Variants in HEMK2 observed in about 807,000 individuals in gnomAD.
HEMK2 encodes methyltransferase HEMK2.
chr21:28,770,568 G>A, the HEMK2 span, among the ~76,000 whole-genome samples: 2 of 152,112 alleles, frequency 1.3e-5, no homozygotes, highest in African/African-American at 4.8e-5. Flanking sequence ...CTAATGAGAG[G>A]TGATTAAGTC....
At chr21:28,703,323 A>T in the HEMK2 span, among the ~76,000 whole-genome samples, 1 of 150,754 alleles carries the variant, frequency 6.6e-6, no homozygotes, top group Non-Finnish European at 1.5e-5. Flanking sequence ...ATAAAAGTTA[A>T]AAAAAAAAGG....
At chr21:28,750,996 C>T in the HEMK2 span, among the ~76,000 whole-genome samples, 3 of 151,940 alleles carry the variant, frequency 2.0e-5, no homozygotes, top group Non-Finnish European at 4.4e-5. Flanking sequence ...TTTGGGAGGC[C>T]GAGGCGGGCG....
chr21:28,607,284 A>C, the HEMK2 span, among the ~76,000 whole-genome samples: 1 of 152,000 alleles, frequency 6.6e-6, no homozygotes, highest in Non-Finnish European at 1.5e-5. Flanking sequence ...GGTGGCATGC[A>C]CCTGTAGTCC....
At chr21:28,837,100 G>T in the HEMK2 span, among the ~76,000 whole-genome samples, 2 of 152,114 alleles carry the variant, frequency 1.3e-5, no homozygotes, top group East Asian at 3.8e-4. Flanking sequence ...AATAGTGGGG[G>T]ACGTCAGCAT....
chr21:28,866,175 A>AAAAAAAAAAAAAAAC, the HEMK2 span, among the ~76,000 whole-genome samples: 41 of 76,212 alleles, frequency 5.4e-4, 11 homozygotes, highest in Non-Finnish European at 6.5e-4. Context: ...CAAAAAAAAA[A>AAAAAAAAAAAAAAAC]ACACACACAC....
At chr21:28,868,400 G>C in the HEMK2 span, among the ~76,000 whole-genome samples, 1 of 152,122 alleles carries the variant, frequency 6.6e-6, no homozygotes, top group African/African-American at 2.4e-5. Context: ...ATATCTTTTA[G>C]GCTGTGCATG....
chr21:28,841,316 ATAT>A, the HEMK2 span, among the ~76,000 whole-genome samples: 11 of 9,824 alleles, frequency 1.1e-3, 4 homozygotes, highest in African/African-American at 0.012. Flanking sequence ...ATAATATATA[ATAT>A]ATATTATATA....
At chr21:28,704,557 CAAA>C in the HEMK2 span, among the ~76,000 whole-genome samples, 13 of 129,752 alleles carry the variant, frequency 1.0e-4, no homozygotes, top group South Asian at 1.3e-3. Context: ...AAGGTTTTGG[CAAA>C]AAAAAAAAAA....
At chr21:28,603,317 T>G in the HEMK2 span, among the ~76,000 whole-genome samples, 1 of 152,342 alleles carries the variant, frequency 6.6e-6, no homozygotes, top group South Asian at 2.1e-4. Context: ...AGTCTCATTT[T>G]CAGGCATTGC....
At chr21:28,831,510 A>AGAAAGAAG in the HEMK2 span, among the ~76,000 whole-genome samples, 2 of 87,956 alleles carry the variant, frequency 2.3e-5, no homozygotes, top group Non-Finnish European at 4.2e-5. Context: ...AAAGAAAGAA[A>AGAAAGAAG]GAAAGAAAGA....
the HEMK2 span, among the ~76,000 whole-genome samples, chr21:28,731,732 T>C: frequency 6.7e-6 from 1 of 148,374 alleles, no homozygotes; most frequent in Non-Finnish European, 1.5e-5. Context: ...ATTGTGCACA[T>C]GTACCCTAAA....
the HEMK2 span, among the ~76,000 whole-genome samples, chr21:28,838,968 AAAAAATATATATATATATATATAT>A: frequency 4.9e-5 from 2 of 41,112 alleles, no homozygotes; most frequent in Admixed American, 5.5e-4. Context: ...AAAAAAAAAA[AAAAAATATATATATATATATATAT>A]ATATATATAC....
chr21:28,866,175 A>AAAAAAAAAAAC, the HEMK2 span, among the ~76,000 whole-genome samples: 735 of 76,108 alleles, frequency 9.7e-3, 228 homozygotes, highest in South Asian at 0.015. Context: ...CAAAAAAAAA[A>AAAAAAAAAAAC]ACACACACAC....
the HEMK2 span, among the ~76,000 whole-genome samples, chr21:28,862,824 A>G: frequency 4.6e-4 from 70 of 152,372 alleles, no homozygotes; most frequent in Non-Finnish European, 8.7e-4. Context: ...ATCATGTGAC[A>G]TAAGATTTAT....
At chr21:28,834,100 T>C in the HEMK2 span, among the ~76,000 whole-genome samples, 1 of 152,214 alleles carries the variant, frequency 6.6e-6, no homozygotes, top group South Asian at 2.1e-4. Flanking sequence ...GCACAAGTCA[T>C]GTGCCTATGT....
chr21:28,866,100 T>C, the HEMK2 span, among the ~76,000 whole-genome samples: 24 of 140,386 alleles, frequency 1.7e-4, no homozygotes, highest in Admixed American at 1.4e-3. Context: ...AGTCCAGGAA[T>C]TGGAGACCAG....
chr21:28,580,200 G>A, the HEMK2 span, among the ~76,000 whole-genome samples: 10 of 152,122 alleles, frequency 6.6e-5, no homozygotes, highest in African/African-American at 2.2e-4. Context: ...GGTGGGCAAA[G>A]ATCCTCTAAG....
At chr21:28,798,109 C>T in the HEMK2 span, among the ~76,000 whole-genome samples, 2 of 152,168 alleles carry the variant, frequency 1.3e-5, no homozygotes, top group African/African-American at 4.8e-5. Flanking sequence ...TCCGCTCTCC[C>T]TTCTCTCCTT....
the HEMK2 span, among the ~76,000 whole-genome samples, chr21:28,865,831 A>G: frequency 6.6e-6 from 1 of 151,270 alleles, no homozygotes; most frequent in Non-Finnish European, 1.5e-5. Flanking sequence ...AGTCTCCAAA[A>G]CTCTCTGTGC....
Sources: allele counts gnomAD v4.1 joint callset (sites outside exome capture counted in the v4.1 genomes callset), GRCh38; gene constraint gnomAD v4.1.1; transcripts MANE v1.5; gene names NCBI Gene and HGNC (gene_info 2026-07-23, HGNC 2026-07-21).